FAIM: variants seen among roughly 807,000 people sequenced by gnomAD.
FAIM encodes the protein Fas apoptotic inhibitory molecule, also known as fas apoptotic inhibitory molecule 1.
In FAIM, 14 loss-of-function variants were observed where a neutral mutation model predicts 21.2. The observed-to-expected ratio is 0.66, with a 90% CI of 0.44 to 1.03. The LOEUF is 1.03. Ranked by LOEUF, FAIM falls within the 50% of genes least tolerant of loss-of-function variation. The pLI is 0.00. For missense variants in FAIM, 222 were observed against 247.1 expected (o/e 0.90, Z 0.68); for synonymous variants, 86 against 80.4 (o/e 1.07, Z -0.37).
chr3:138,631,851 A>G (rs1389777530), intron 5 of FAIM, among the ~76,000 whole-genome samples: 2 of 152,066 alleles, frequency 1.3e-5, no homozygotes, highest in Non-Finnish European at 2.9e-5. Flanking sequence ...GGTATTCAGC[A>G]TACCTCCCAT....
intron 1 of FAIM, among the ~76,000 whole-genome samples, chr3:138,613,410 T>A (rs1307621409): frequency 6.6e-6 from 1 of 152,222 alleles, no homozygotes; most frequent in African/African-American, 2.4e-5. Flanking sequence ...ATCAGATATA[T>A]GATTTCCAAA....
chr3:138,621,612 A>G (rs1435392532), intron 3 of FAIM, 73 bp downstream of exon 3: 18 of 1,408,514 alleles, frequency 1.3e-5, no homozygotes, highest in Non-Finnish European at 1.7e-5. Context: ...TAGCATCTTC[A>G]TATGTGAATT....
chr3:138,614,378 T>A (rs2042803211), intron 1 of FAIM, among the ~76,000 whole-genome samples: 1 of 152,072 alleles, frequency 6.6e-6, no homozygotes, highest in African/African-American at 2.4e-5. Context: ...AGGTCGAGGC[T>A]GCAGTGAATT....
intron 4 of FAIM, among the ~76,000 whole-genome samples, chr3:138,628,896 A>G (rs1001154423): frequency 1.6e-4 from 25 of 152,208 alleles, no homozygotes; most frequent in African/African-American, 6.0e-4. Flanking sequence ...GTTTCATTAT[A>G]GTTTTATGAA....
chr3:138,622,568 T>A (rs561246837), intron 4 of FAIM, 152 bp downstream of exon 4: 151 of 587,748 alleles, frequency 2.6e-4, no homozygotes, highest in South Asian at 2.1e-3. Flanking sequence ...ATTAAAAAAA[T>A]TTTTTGTTTC....
Position 138,633,134 on chromosome 3 carries a change from A to G in FAIM, c.*55A>G. The G allele has an allele frequency of 1.3e-6, 2 of 1,529,742 alleles. No individual in the cohort carries two copies. The allele number at this position is 1,529,742 out of a possible 1,614,324, so 94.8% of individuals were successfully genotyped here. ...GGACTTTTTAATTACTGTGGTAATT[A>G]AATGTGTTCAGTATGTACTTATCAG... On this transcript the variant is annotated 3_prime_UTR_variant, in exon 6 of 6. Coordinates refer to ENST00000360570, the MANE Select transcript of FAIM (RefSeq NM_001033031.2).
rs763061307 is a variant in FAIM at position 138,622,187 on chromosome 3, G to A, written c.178-1G>A. ...TCATATTTTTCTGTTTTATTATGTA[G>A]GAAGAGATAAGAAAAGAGTGGATGT... On this transcript the variant is annotated splice_acceptor_variant, in intron 3 of 5. Coordinates refer to ENST00000360570, the MANE Select transcript of FAIM (RefSeq NM_001033031.2). LOFTEE classifies it high-confidence loss of function. The A allele has an allele frequency of 2.3e-5, 37 of 1,593,194 alleles. No homozygotes were observed. The highest frequency in any genetic ancestry group is 3.1e-5 in the Non-Finnish European group (36 of 1,171,686).
chr3:138,628,390 AGTCATCTG>A lies in FAIM; in HGVS notation c.407-712_407-705del, dbSNP rs2042963130. Among the ~76,000 whole-genome samples the A allele has an allele frequency of 1.1e-4, 16 of 152,094 alleles. No individual in the cohort carries two copies. In the South Asian group the frequency reaches 3.3e-3, roughly 32 times the overall value. On this transcript the variant is annotated intron_variant, in intron 4 of 5. Transcript: ENST00000360570. Reference sequence around the variant, plus strand: ...GTTGGGTGAGTGTGGGAGGCAGGGGAGTCATCTGGTCAATATTGAAGGGCATTTTGTAT... The same window carrying A: ...GTTGGGTGAGTGTGGGAGGCAGGGGAGTCAATATTGAAGGGCATTTTGTAT...
chr3:138,625,433 A>C (rs1232624917), intron 4 of FAIM, among the ~76,000 whole-genome samples: 2 of 151,544 alleles, frequency 1.3e-5, no homozygotes, highest in Admixed American at 6.6e-5. Flanking sequence ...ACTGCACTCC[A>C]GCCTGGGTGA....
At chr3:138,613,180 G>A (rs1381536533) in intron 1 of FAIM, among the ~76,000 whole-genome samples, 2 of 151,634 alleles carry the variant, frequency 1.3e-5, no homozygotes, top group African/African-American at 4.8e-5. Context: ...CACCACACTC[G>A]GCTAATTTTT....
At chr3:138,617,354 G>C (rs1191821487) in intron 1 of FAIM, among the ~76,000 whole-genome samples, 1 of 147,626 alleles carries the variant, frequency 6.8e-6, no homozygotes, top group Non-Finnish European at 1.5e-5. Context: ...ATATTATGCT[G>C]TTTGGCTTAT....
Position 138,629,137 on chromosome 3 carries a change from G to A in FAIM, c.437G>A (p.Gly146Asp), listed in dbSNP as rs1471601028. 6.2e-7 allele frequency: 1 copy of A among 1,611,828 alleles called. No homozygotes were observed. Among genetic ancestry groups the A allele is most frequent in the Non-Finnish European group, 8.5e-7 (1 of 1,179,208 alleles). Residue 146 changes from glycine (G) to aspartate (D), a missense_variant, in exon 5 of 6, where the codon GGT (glycine) becomes GAT (aspartate). By Grantham distance (94) the Gly-to-Asp change is moderately conservative (BLOSUM62 -1). Coordinates refer to ENST00000360570, the MANE Select transcript of FAIM (RefSeq NM_001033031.2). ...GATGCTATGGACGTATGGTGCAATG[G>A]TAAAAAATTGGAGACAGCGGTAAGT... ...EKDAMDVWCN[G>D]KKLETAGEFV... is the part of the protein sequence containing the mutation.
At chr3:138,621,007 C>A (rs1443630960) in intron 2 of FAIM, among the ~76,000 whole-genome samples, 1 of 151,916 alleles carries the variant, frequency 6.6e-6, no homozygotes, top group African/African-American at 2.4e-5. Context: ...GTGATTAGAC[C>A]TGAAAAAGAG....
intron 2 of FAIM, among the ~76,000 whole-genome samples, chr3:138,620,177 T>C (rs1436787506): frequency 6.6e-6 from 1 of 152,236 alleles, no homozygotes; most frequent in East Asian, 1.9e-4. Context: ...CTTAATGTCA[T>C]TGTGACCTTA....
chr3:138,615,836 G>A (rs1256467592), intron 1 of FAIM, among the ~76,000 whole-genome samples: 1 of 152,184 alleles, frequency 6.6e-6, no homozygotes, highest in Non-Finnish European at 1.5e-5. Context: ...TGGTGAAATT[G>A]GAATGGAATG....
At chr3:138,616,246 T>G (rs979086737) in intron 1 of FAIM, among the ~76,000 whole-genome samples, 2 of 152,248 alleles carry the variant, frequency 1.3e-5, no homozygotes, top group African/African-American at 2.4e-5. Context: ...ACTGGTCACT[T>G]TAATCCTTGC....
chr3:138,612,454 C>T (rs2042780959), intron 1 of FAIM, among the ~76,000 whole-genome samples: 1 of 152,146 alleles, frequency 6.6e-6, no homozygotes, highest in African/African-American at 2.4e-5. Context: ...CATGTTATAG[C>T]ATATGTCAGA....
Position 138,629,173 on chromosome 3 carries a change from A to G in FAIM, c.456+17A>G, listed in dbSNP as rs374099208. The G allele has an allele frequency of 2.2e-5, 35 of 1,598,574 alleles. No homozygotes were observed. Among genetic ancestry groups the G allele is most frequent in the Middle Eastern group, 1.7e-4 (1 of 6,038 alleles). On this transcript the variant is annotated intron_variant, in intron 5 of 5. Coordinates refer to ENST00000360570, the MANE Select transcript of FAIM (RefSeq NM_001033031.2). ...GAGACAGCGGTAAGTTGACTATTTG[A>G]TGACTCTAAGTGCCATGTGTCTCAG...
Position 138,621,486 on chromosome 3 carries a change from G to C in FAIM, c.124G>C (p.Glu42Gln). 1.2e-6 allele frequency: 2 copies of C among 1,613,908 alleles called. No individual in the cohort carries two copies. The highest frequency in any genetic ancestry group is 1.7e-6 in the Non-Finnish European group (2 of 1,179,906). Residue 42 changes from glutamate (E) to glutamine (Q), a missense_variant, in exon 3 of 6, where the codon GAA becomes CAA. Physicochemically the swap from Glu to Gln is conservative, Grantham distance 29. Transcript: ENST00000360570. Reference protein sequence around the residue: ...VALSDGVHKIEFEHGTTSGKR... With the variant: ...VALSDGVHKIQFEHGTTSGKR... ...TTTAAGTGACGGAGTCCACAAGATCGAATTTGAACATGGGACTACATCAGG... is the reference window on the plus strand; with the variant it reads ...TTTAAGTGACGGAGTCCACAAGATCCAATTTGAACATGGGACTACATCAGG...
Sources: allele counts gnomAD v4.1 joint callset (sites outside exome capture counted in the v4.1 genomes callset), GRCh38; gene constraint gnomAD v4.1.1; transcripts MANE v1.5; gene names NCBI Gene and HGNC (gene_info 2026-07-23, HGNC 2026-07-21).